GGTA1: variants seen among roughly 807,000 people sequenced by gnomAD.
GGTA1 encodes glycoprotein alpha-galactosyltransferase 1 (inactive).
GGTA1 carries 5 observed loss-of-function variants against 2.6 expected under a neutral mutation model. The ratio of observed to expected loss-of-function variants is 1.92; its 90% CI spans 1.00 to 4.04. The LOEUF (loss-of-function observed/expected upper bound fraction) is 4.04. Among genes scored for constraint, GGTA1 ranks in the 30% most tolerant of loss-of-function variants. GGTA1 has a pLI of 0.00. For missense variants in GGTA1, 50 were observed against 16.7 expected, an observed-to-expected ratio of 2.99 and a Z score of -3.47; for synonymous variants, 17 against 5.0, an observed-to-expected ratio of 3.38 and a Z score of -3.19.
At chr9:121,494,343 A>T (rs1828943126) in intron 1 of GGTA1, among the ~76,000 whole-genome samples, 1 of 152,236 alleles carries the variant, frequency 6.6e-6, no homozygotes, top group South Asian at 2.1e-4. Flanking sequence ...TGGCTGCTAA[A>T]GCCCAAGCCT....
intron 1 of GGTA1, 61 bp from the exon 2 acceptor site, chr9:121,467,992 G>A (rs2065016985): frequency 2.4e-6 from 1 of 423,938 alleles, no homozygotes; most frequent in Non-Finnish European, 4.7e-6. Flanking sequence ...ACTTCAAGAG[G>A]CAGTTTTTAA....
intron 1 of GGTA1, among the ~76,000 whole-genome samples, chr9:121,470,962 A>G (rs1423837566): frequency 6.6e-6 from 1 of 152,272 alleles, no homozygotes; most frequent in African/African-American, 2.4e-5. Flanking sequence ...TTGATAAATC[A>G]GCTCTGTCTA....
At chr9:121,461,054 G>C (rs988547469) in intron 4 of GGTA1, among the ~76,000 whole-genome samples, 198 bp downstream of exon 4, 2 of 152,198 alleles carry the variant, frequency 1.3e-5, no homozygotes, top group Admixed American at 6.5e-5. Context: ...TCCAGCCTGA[G>C]TGACAGTGAG....
chr9:121,470,149 A>C (rs746370802), intron 1 of GGTA1, among the ~76,000 whole-genome samples: 8 of 152,232 alleles, frequency 5.3e-5, no homozygotes, highest in Admixed American at 1.3e-4. Context: ...TCTTGTGATC[A>C]CACTGGACTG....
intron 1 of GGTA1, among the ~76,000 whole-genome samples, chr9:121,468,255 T>G (rs1451832976): frequency 6.6e-6 from 1 of 151,910 alleles, no homozygotes; most frequent in African/African-American, 2.4e-5. Flanking sequence ...CACTTACGAG[T>G]GAGAACATGC....
At chr9:121,451,672 G>C (rs1338107539), downstream of GGTA1, among the ~76,000 whole-genome samples, 1 of 152,224 alleles carries the variant, frequency 6.6e-6, no homozygotes, top group Non-Finnish European at 1.5e-5. Flanking sequence ...AGAGTGGTCA[G>C]CTGTGTTCCA....
intron 1 of GGTA1, among the ~76,000 whole-genome samples, chr9:121,495,190 G>A (rs1170635885): frequency 1.3e-5 from 2 of 152,032 alleles, no homozygotes; most frequent in African/African-American, 4.8e-5. Flanking sequence ...CAAGTTCTGG[G>A]ATTACAGGTG....
At chr9:121,448,194 T>C (rs1338785756) in intron 7 of GGTA1, among the ~76,000 whole-genome samples, 1 of 152,184 alleles carries the variant, frequency 6.6e-6, no homozygotes, top group Admixed American at 6.5e-5. Flanking sequence ...AATTTACCAA[T>C]TGGTTCAGAT....
At chr9:121,453,441 G>A (rs2064888818), downstream of GGTA1, among the ~76,000 whole-genome samples, 1 of 130,464 alleles carries the variant, frequency 7.7e-6, no homozygotes, top group African/African-American at 2.7e-5. Context: ...GAGCCGCAGG[G>A]GCCCCAGCAT....
At chr9:121,488,958 G>A (rs887221641) in intron 1 of GGTA1, among the ~76,000 whole-genome samples, 30 of 152,240 alleles carry the variant, frequency 2.0e-4, no homozygotes, top group African/African-American at 6.7e-4. Context: ...ATAAGGAGGG[G>A]TAGGGGTCAC....
intron 5 of GGTA1, among the ~76,000 whole-genome samples, chr9:121,456,414 A>T (rs929466174): frequency 2.0e-5 from 3 of 152,014 alleles, no homozygotes; most frequent in Non-Finnish European, 2.9e-5. Context: ...GTAGAAGAAG[A>T]GTTAAAATTC....
Position 121,472,126 on chromosome 9 carries a change from G to A in GGTA1, c.-9-4195C>T, listed in dbSNP as rs902999311. Among the ~76,000 whole-genome samples the A allele has an allele frequency of 4.6e-5, 7 of 152,234 alleles. No individual in the cohort carries two copies. The East Asian group carries it at 7.7e-4, about 17-fold the overall frequency. ...GGCATCAAGGCCCTAACTGACATGAGGCCATTTATAATCTTTATCCCACTG... is the reference window on the plus strand; with the variant it reads ...GGCATCAAGGCCCTAACTGACATGAAGCCATTTATAATCTTTATCCCACTG... On this transcript the variant is annotated intron_variant, in intron 1 of 5. Transcript: ENST00000481799.
intron 1 of GGTA1, among the ~76,000 whole-genome samples, chr9:121,498,650 C>G (rs56212247): frequency 0.22 from 33,163 of 152,162 alleles, 4,319 homozygotes; most frequent in Non-Finnish European, 0.3. Flanking sequence ...TCAGACACGC[C>G]TGTTTCCAGG....
At chr9:121,495,801 C>T (rs545174227) in intron 1 of GGTA1, among the ~76,000 whole-genome samples, 25 of 152,248 alleles carry the variant, frequency 1.6e-4, no homozygotes, top group Non-Finnish European at 3.2e-4. Context: ...GTGGCACCAT[C>T]ATTCATACAG....
intron 1 of GGTA1, among the ~76,000 whole-genome samples, chr9:121,477,122 C>T (rs1828526282): frequency 6.6e-6 from 1 of 152,236 alleles, no homozygotes; most frequent in Non-Finnish European, 1.5e-5. Flanking sequence ...CTCACTGTGC[C>T]TAGCAAGGAT....
chr9:121,474,833 C>CGCAGGCTCCACCTCTCT (rs71370657), intron 1 of GGTA1, among the ~76,000 whole-genome samples: 151,238 of 151,786 alleles, frequency 1, 75,345 homozygotes, highest in Middle Eastern at 1. Context: ...AAGCCTTCTC[C>CGCAGGCTCCACCTCTCT]GCAGGCTAAA....
At chr9:121,454,492 C>T (rs2064895405), downstream of GGTA1, among the ~76,000 whole-genome samples, 1 of 152,190 alleles carries the variant, frequency 6.6e-6, no homozygotes, top group Admixed American at 6.5e-5. Context: ...TTTTGATTCC[C>T]ATTTTATCAA....
At chr9:121,494,058 C>T (rs919235764) in intron 1 of GGTA1, among the ~76,000 whole-genome samples, 3 of 152,046 alleles carry the variant, frequency 2.0e-5, no homozygotes, top group African/African-American at 7.2e-5. Flanking sequence ...CACCCAGCCG[C>T]TAGGCTCACT....
chr9:121,468,919 C>A (rs1485468148), intron 1 of GGTA1, among the ~76,000 whole-genome samples: 1 of 152,090 alleles, frequency 6.6e-6, no homozygotes, highest in Non-Finnish European at 1.5e-5. Context: ...CTGTGAGGAG[C>A]CACCCCATCC....
Sources: allele counts gnomAD v4.1 joint callset (sites outside exome capture counted in the v4.1 genomes callset), GRCh38; gene constraint gnomAD v4.1.1; transcripts MANE v1.5; gene names NCBI Gene and HGNC (gene_info 2026-07-23, HGNC 2026-07-21).